ERC2: variants seen among roughly 807,000 people sequenced by gnomAD.
The protein encoded by ERC2 is ELKS/RAB6-interacting/CAST family member 2.
ERC2 carries 42 observed loss-of-function variants against 114.8 expected under a neutral mutation model. The observed-to-expected ratio is 0.37, with a 90% CI of 0.29 to 0.47. ERC2 has a LOEUF of 0.47. ERC2 is among the 20% of genes least tolerant of loss of function. The pLI is 0.99. For missense variants in ERC2, 939 were observed against 1,150.7 expected (o/e 0.82, Z 2.66); for synonymous variants, 454 against 425.5 (o/e 1.07, Z -0.82).
At chr3:56,348,664 C>T (rs2058403802) in intron 2 of ERC2, among the ~76,000 whole-genome samples, 1 of 151,632 alleles carries the variant, frequency 6.6e-6, no homozygotes, top group Non-Finnish European at 1.5e-5. Context: ...TGAAACTTGC[C>T]TCATCCTGCC....
At chr3:56,313,756 C>T (rs112230250) in intron 2 of ERC2, among the ~76,000 whole-genome samples, 143 of 152,302 alleles carry the variant, frequency 9.4e-4, no homozygotes, top group African/African-American at 3.3e-3. Flanking sequence ...GTCTTCCAAG[C>T]ATCAATAGGC....
chr3:56,153,052 T>C (rs2081508945), intron 4 of ERC2, among the ~76,000 whole-genome samples: 1 of 152,142 alleles, frequency 6.6e-6, no homozygotes, highest in Non-Finnish European at 1.5e-5. Context: ...TTGAAATAAG[T>C]TTATTTCTTC....
At chr3:56,346,616 G>T (rs923991451) in intron 2 of ERC2, among the ~76,000 whole-genome samples, 6 of 152,188 alleles carry the variant, frequency 3.9e-5, no homozygotes, top group African/African-American at 1.4e-4. Flanking sequence ...ACATAAATAT[G>T]CATCAAGCCA....
chr3:55,865,902 T>A (rs1299257979), intron 14 of ERC2, among the ~76,000 whole-genome samples: 2 of 152,250 alleles, frequency 1.3e-5, no homozygotes, highest in African/African-American at 4.8e-5. Context: ...TTATACATAA[T>A]GCTGCTATGA....
chr3:56,428,345 A>G (rs2061653685), intron 2 of ERC2, among the ~76,000 whole-genome samples: 1 of 151,940 alleles, frequency 6.6e-6, no homozygotes, highest in Admixed American at 6.6e-5. Flanking sequence ...ACATGGTGAA[A>G]TCACATCTCT....
intron 14 of ERC2, among the ~76,000 whole-genome samples, chr3:55,760,161 A>G (rs891625177): frequency 3.3e-5 from 5 of 152,180 alleles, no homozygotes; most frequent in African/African-American, 4.8e-5. Flanking sequence ...ACATCAAAGA[A>G]CCTGTAATAT....
At chr3:55,924,242 T>A (rs1045019932) in intron 13 of ERC2, among the ~76,000 whole-genome samples, 1 of 152,122 alleles carries the variant, frequency 6.6e-6, no homozygotes, top group Non-Finnish European at 1.5e-5. Flanking sequence ...GTTGGCAAAC[T>A]TTTTCTGCCA....
chr3:56,205,857 T>C (rs1039373781), intron 3 of ERC2, among the ~76,000 whole-genome samples: 4 of 152,162 alleles, frequency 2.6e-5, no homozygotes, highest in Non-Finnish European at 5.9e-5. Flanking sequence ...TGAAATTTTA[T>C]CTCCTTTCTT....
chr3:55,561,568 C>T (rs2056021650), intron 17 of ERC2, among the ~76,000 whole-genome samples: 1 of 152,184 alleles, frequency 6.6e-6, no homozygotes, highest in Non-Finnish European at 1.5e-5. Context: ...GAATCCTCAT[C>T]CCTAAATTCT....
intron 17 of ERC2, among the ~76,000 whole-genome samples, chr3:55,608,812 C>A (rs2058757310): frequency 1.3e-5 from 2 of 152,152 alleles, no homozygotes; most frequent in South Asian, 4.2e-4. Flanking sequence ...AATCATTGAC[C>A]TCAGAGGATT....
chr3:55,581,374 G>A (rs1394103617), intron 17 of ERC2, among the ~76,000 whole-genome samples: 1 of 152,188 alleles, frequency 6.6e-6, no homozygotes, highest in Non-Finnish European at 1.5e-5. Context: ...CTCAAGGTGA[G>A]TTTATATACT....
intron 15 of ERC2, among the ~76,000 whole-genome samples, chr3:55,722,665 C>T (rs7644354): frequency 0.22 from 34,093 of 152,016 alleles, 4,477 homozygotes; most frequent in African/African-American, 0.33. Context: ...GTATCTGGAA[C>T]GTAGTACATG....
At chr3:55,535,725 C>T (rs955279408) in intron 17 of ERC2, among the ~76,000 whole-genome samples, 2 of 152,136 alleles carry the variant, frequency 1.3e-5, no homozygotes, top group East Asian at 1.9e-4. Context: ...ACAGGCTGGG[C>T]GTGGTCGCCT....
intron 3 of ERC2, among the ~76,000 whole-genome samples, chr3:56,236,400 C>T (rs1014470633): frequency 2.0e-5 from 3 of 152,236 alleles, no homozygotes; most frequent in South Asian, 2.1e-4. Flanking sequence ...AATGTGAAGG[C>T]CATCTGCTGA....
chr3:56,248,621 C>G (rs895917636), intron 3 of ERC2, among the ~76,000 whole-genome samples: 3 of 152,176 alleles, frequency 2.0e-5, no homozygotes, highest in African/African-American at 7.2e-5. Flanking sequence ...ACATTTGCAC[C>G]ACCTCAAATG....
intron 3 of ERC2, among the ~76,000 whole-genome samples, chr3:56,187,332 G>T (rs1379653399): frequency 1.3e-5 from 2 of 152,210 alleles, no homozygotes; most frequent in Non-Finnish European, 2.9e-5. Flanking sequence ...CAAAAGGGTT[G>T]CTAGGGGTCT....
At chr3:55,982,649 G>A (rs2070249585) in intron 12 of ERC2, among the ~76,000 whole-genome samples, 1 of 152,094 alleles carries the variant, frequency 6.6e-6, no homozygotes, top group South Asian at 2.1e-4. Flanking sequence ...TTTTTCGTCA[G>A]GTATTTTTTG....
At position 56,385,324 on chromosome 3, in the gene ERC2, T is replaced by C. The variant is rs528771501; in HGVS notation, c.657+49027A>G. On this transcript the variant is annotated intron_variant, in intron 2 of 17. Coordinates refer to ENST00000288221, the MANE Select transcript of ERC2 (RefSeq NM_015576.3). ...AAGCAGCAATCTGGTGCCTCTTCTA[T>C]AGGGGCACTAATTCCATTCATGAGG... is the stretch of plus-strand genomic sequence containing the variant. 8.0e-4 allele frequency among the ~76,000 whole-genome samples: 122 copies of C among 152,228 alleles called. 1 individual carries two copies. The highest frequency in any genetic ancestry group is 3.4e-3 in the Middle Eastern group (1 of 294).
chr3:55,510,525 T>C lies in ERC2; in HGVS notation c.*791A>G, dbSNP rs2107118293. Reference sequence around the variant, plus strand: ...ACTGGGTAGATAAAATTATGAATGATCAATTTAGATGTGCCACGCATTGTC... The same window carrying C: ...ACTGGGTAGATAAAATTATGAATGACCAATTTAGATGTGCCACGCATTGTC... On this transcript the variant is annotated 3_prime_UTR_variant, in exon 18 of 18. Transcript: ENST00000288221. The C allele has an allele frequency of 6.6e-6, 1 of 152,658 alleles. No homozygotes were observed. Among genetic ancestry groups the C allele is most frequent in the African/African-American group, 2.4e-5 (1 of 41,534 alleles). The allele number at this position is 152,658 out of a possible 1,614,324, so 9.5% of individuals were successfully genotyped here. A position where few individuals can be genotyped will look rare whatever the true frequency, so the allele number is the denominator to read the frequency against.
Sources: allele counts gnomAD v4.1 joint callset (sites outside exome capture counted in the v4.1 genomes callset), GRCh38; gene constraint gnomAD v4.1.1; transcripts MANE v1.5; gene names NCBI Gene and HGNC (gene_info 2026-07-23, HGNC 2026-07-21).